The following MYBPC1 variants were observed in gnomAD, a reference collection of about 807,000 sequenced individuals.
MYBPC1 encodes myosin-binding protein C, slow-type.
MYBPC1 carries 52 observed loss-of-function variants against 147.1 expected under a neutral mutation model. The ratio of observed to expected loss-of-function variants is 0.35; its 90% CI spans 0.28 to 0.45. MYBPC1 has a LOEUF of 0.45. Among genes scored for constraint, MYBPC1 ranks in the 20% least tolerant of loss-of-function variants. The pLI, the probability that MYBPC1 is intolerant of heterozygous loss-of-function variation, is 1.00. For missense variants in MYBPC1, 1,228 were observed against 1,440.3 expected (o/e 0.85, Z 2.39); for synonymous variants, 477 against 475.9 (o/e 1.00, Z -0.03).
At chr12:101,622,087 T>C (rs933491989) in intron 3 of MYBPC1, among the ~76,000 whole-genome samples, 3 of 152,222 alleles carry the variant, frequency 2.0e-5, no homozygotes, top group African/African-American at 4.8e-5. Flanking sequence ...TATGTCATAT[T>C]CCAACAAGCT....
At chr12:101,670,016 T>G (rs1898275567) in intron 23 of MYBPC1, 1 of 469,492 alleles carries the variant, frequency 2.1e-6, no homozygotes, top group Non-Finnish European at 3.9e-6. Flanking sequence ...TTCTATAAAG[T>G]TGCTTTAGGC....
chr12:101,626,768 T>C, intron 3 of MYBPC1, 104 bp from the exon 4 acceptor site: 1 of 971,178 alleles, frequency 1.0e-6, no homozygotes. Flanking sequence ...CAGTTGAAAG[T>C]GTATTGTGTG....
At chr12:101,621,944 G>T (rs1887507944) in intron 3 of MYBPC1, among the ~76,000 whole-genome samples, 1 of 152,098 alleles carries the variant, frequency 6.6e-6, no homozygotes, top group African/African-American at 2.4e-5. Flanking sequence ...GTTGTTTAAA[G>T]AATCATTTTT....
At chr12:101,656,698 A>T (rs1895602608) in intron 18 of MYBPC1, among the ~76,000 whole-genome samples, 1 of 152,190 alleles carries the variant, frequency 6.6e-6, no homozygotes, top group Non-Finnish European at 1.5e-5. Flanking sequence ...AAAATATATG[A>T]GACAAAAACT....
intron 1 of MYBPC1, among the ~76,000 whole-genome samples, chr12:101,614,097 A>G (rs1025659031): frequency 6.6e-6 from 1 of 152,148 alleles, no homozygotes; most frequent in African/African-American, 2.4e-5. Flanking sequence ...AGTCCTGCCC[A>G]TATAAGATGC....
At chr12:101,605,768 A>C (rs1881897777) in intron 1 of MYBPC1, among the ~76,000 whole-genome samples, 1 of 151,832 alleles carries the variant, frequency 6.6e-6, no homozygotes, top group African/African-American at 2.4e-5. Flanking sequence ...AGGCTGAGGC[A>C]GGAGAATCTC....
Position 101,661,189 on chromosome 12 carries a change from G to A in MYBPC1, c.1959G>A (p.Val653=). The A allele has an allele frequency of 6.2e-7, 1 of 1,613,732 alleles. No individual in the cohort carries two copies. The highest frequency in any genetic ancestry group is 8.5e-7 in the Non-Finnish European group (1 of 1,179,952). Residue 653 remains valine, a synonymous_variant, in exon 20 of 32, where the codon GTG becomes GTA. Coordinates refer to ENST00000361466, the MANE Select transcript of MYBPC1 (RefSeq NM_002465.4). The part of the protein sequence containing the change: ...DFPDPPVAPT[V]TEVGDDWCIM... The stretch of plus-strand genomic sequence containing the variant: ...CTGATCCTCCAGTGGCACCGACTGT[G>A]ACAGAGGTGGGAGATGACTGGTGTA...
chr12:101,693,071 C>G, the MYBPC1 span, among the ~76,000 whole-genome samples: 1 of 151,770 alleles, frequency 6.6e-6, no homozygotes, highest in Non-Finnish European at 1.5e-5. Context: ...CTCAGCCTCC[C>G]GAGTAGCTGG....
chr12:101,601,640 C>T (rs1446340382), intron 1 of MYBPC1, among the ~76,000 whole-genome samples: 3 of 152,164 alleles, frequency 2.0e-5, no homozygotes, highest in Non-Finnish European at 1.5e-5. Flanking sequence ...CTTAGGAATC[C>T]TTTTTAGGCC....
intron 1 of MYBPC1, among the ~76,000 whole-genome samples, chr12:101,602,499 G>C (rs1236772856): frequency 2.0e-5 from 3 of 152,188 alleles, no homozygotes; most frequent in Non-Finnish European, 2.9e-5. Context: ...TTACAGGCAT[G>C]AGCCACCATG....
intron 29 of MYBPC1, among the ~76,000 whole-genome samples, chr12:101,681,993 TC>T (rs985347706): frequency 2.0e-5 from 3 of 152,138 alleles, no homozygotes; most frequent in Admixed American, 6.6e-5. Flanking sequence ...GATTTTTTTT[TC>T]CTCACAAATA....
chr12:101,637,311 A>G (rs1157424958), intron 10 of MYBPC1, among the ~76,000 whole-genome samples: 1 of 152,150 alleles, frequency 6.6e-6, no homozygotes, highest in Non-Finnish European at 1.5e-5. Flanking sequence ...AAAGTTTAGT[A>G]TCATCACACA....
chr12:101,642,031 C>G (rs1892159383), intron 10 of MYBPC1, among the ~76,000 whole-genome samples: 1 of 152,062 alleles, frequency 6.6e-6, no homozygotes, highest in Non-Finnish European at 1.5e-5. Flanking sequence ...AGTTCTAGTC[C>G]AATTTTCAAT....
At chr12:101,615,275 A>T (rs1367724841) in intron 2 of MYBPC1, among the ~76,000 whole-genome samples, 1 of 152,228 alleles carries the variant, frequency 6.6e-6, no homozygotes, top group Non-Finnish European at 1.5e-5. Flanking sequence ...CTTCAGAGTC[A>T]TTTATCAGCC....
chr12:101,694,006 A>G, the MYBPC1 span, among the ~76,000 whole-genome samples: 1 of 152,234 alleles, frequency 6.6e-6, no homozygotes, highest in Admixed American at 6.5e-5. Context: ...GGACAAGGGC[A>G]ACATCTGAAA....
At chr12:101,692,110 G>A in the MYBPC1 span, among the ~76,000 whole-genome samples, 2 of 152,176 alleles carry the variant, frequency 1.3e-5, no homozygotes, top group African/African-American at 2.4e-5. Flanking sequence ...ACAGCCAATG[G>A]GCCCACACAG....
intron 26 of MYBPC1, among the ~76,000 whole-genome samples, 167 bp from the exon 27 acceptor site, chr12:101,677,068 G>A (rs1296421913): frequency 2.6e-5 from 4 of 152,096 alleles, no homozygotes; most frequent in Non-Finnish European, 5.9e-5. Flanking sequence ...AATATACATT[G>A]TTTCAACACA....
chr12:101,619,474 C>G (rs772774709), intron 3 of MYBPC1, among the ~76,000 whole-genome samples: 6 of 152,220 alleles, frequency 3.9e-5, no homozygotes, highest in Non-Finnish European at 8.8e-5. Flanking sequence ...GAGAGCTGCA[C>G]ATAGCAATCA....
chr12:101,614,808 G>T (rs918915340), intron 2 of MYBPC1: 1 of 495,270 alleles, frequency 2.0e-6, no homozygotes. Flanking sequence ...TATTATGTCC[G>T]CATTTTACAG....
Sources: allele counts gnomAD v4.1 joint callset (sites outside exome capture counted in the v4.1 genomes callset), GRCh38; gene constraint gnomAD v4.1.1; transcripts MANE v1.5; gene names NCBI Gene and HGNC (gene_info 2026-07-23, HGNC 2026-07-21).